The following DNAH8 variants were observed in gnomAD, a reference collection of about 807,000 sequenced individuals.
The protein encoded by DNAH8 is axonemal beta dynein heavy chain 8.
DNAH8 carries 382 observed loss-of-function variants against 562.1 expected under a neutral mutation model. That is an observed-to-expected ratio of 0.68 (90% CI 0.63 to 0.74). The LOEUF is 0.74. Among genes scored for constraint, DNAH8 ranks in the 30% least tolerant of loss-of-function variants. The pLI, the probability that DNAH8 is intolerant of heterozygous loss-of-function variation, is 0.00. For synonymous variants in DNAH8, 1,881 were observed against 1,919.4 expected, an observed-to-expected ratio of 0.98 and a Z score of 0.52; for missense variants, 5,203 against 5,620.4, an observed-to-expected ratio of 0.93 and a Z score of 2.37.
chr6:39,008,484 G>A (rs968204076), intron 88 of DNAH8, among the ~76,000 whole-genome samples: 7 of 152,150 alleles, frequency 4.6e-5, no homozygotes, highest in African/African-American at 9.7e-5. Context: ...GAAAGGAGGT[G>A]TGCCCGCTGT....
intron 21 of DNAH8, among the ~76,000 whole-genome samples, chr6:38,801,194 A>T (rs1276907099): frequency 6.6e-6 from 1 of 152,112 alleles, no homozygotes; most frequent in Admixed American, 6.5e-5. Flanking sequence ...CTGAAATTTT[A>T]CGTCTATAAT....
At chr6:39,030,035 C>T in intron 92 of DNAH8, 70 bp from the exon 93 acceptor site, 1 of 1,267,474 alleles carries the variant, frequency 7.9e-7, no homozygotes, top group South Asian at 1.4e-5. Flanking sequence ...AAACTGACAG[C>T]CTTTATGACT....
At position 38,761,683 on chromosome 6, in the gene DNAH8, G is replaced by T; in HGVS notation, c.1516-19G>T. 3 of 1,265,116 alleles carry T rather than the reference G, an allele frequency of 2.4e-6. No homozygotes were observed. Among genetic ancestry groups the T allele is most frequent in the East Asian group, 2.6e-5 (1 of 38,472 alleles). 78.4% of individuals were successfully genotyped at this position (1,265,116 alleles called of 1,614,324 possible). A position where few individuals can be genotyped will look rare whatever the true frequency, so the allele number is the denominator to read the frequency against. ...TTCTCTTTTTACATATAATTATTTT[G>T]TACCTATATTTATTTCAGGTAACAA... On this transcript the variant is annotated intron_variant, in intron 10 of 92. Transcript: ENST00000327475.
chr6:38,730,904 G>A (rs1262076003), intron 4 of DNAH8, among the ~76,000 whole-genome samples: 3 of 151,872 alleles, frequency 2.0e-5, no homozygotes, highest in Non-Finnish European at 2.9e-5. Flanking sequence ...TCTCCACTCA[G>A]CATCCCCTAC....
chr6:39,015,103 A>G lies in DNAH8; in HGVS notation c.13714+2466A>G, dbSNP rs117282213. On this transcript the variant is annotated intron_variant, in intron 91 of 92. Transcript: ENST00000327475. ...GAGAGACAGGGAGCACTGGAGAGGT[A>G]TGTTGGCAGACTTGGAGTTGGGAGA... Among the ~76,000 whole-genome samples the G allele has an allele frequency of 0.011, 1,682 of 152,210 alleles. 108 individuals carry two copies. In the East Asian group the frequency reaches 0.16, roughly 14 times the overall value.
intron 79 of DNAH8, among the ~76,000 whole-genome samples, chr6:38,940,839 C>T (rs534909854): frequency 2.6e-5 from 4 of 152,112 alleles, no homozygotes; most frequent in Non-Finnish European, 5.9e-5. Context: ...TAACCTAGGC[C>T]GGGCGCGGTG....
In DNAH8 at chr6:39,030,241, C is replaced by T. The variant is rs1186788424; in HGVS notation, c.13973C>T (p.Ala4658Val). Residue 4658 changes from alanine (A) to valine (V), a missense_variant, in exon 93 of 93, where the codon GCA becomes GTA. Ala to Val is a moderately conservative substitution (Grantham distance 64, BLOSUM62 0). Transcript: ENST00000327475. ...CACATCTTTGCCATTAACTCCACGG[C>T]ACCCAAGGACCCCAAGCTGTATGTG... ...VLHIFAINST[A>V]PKDPKLYVCP... 1.2e-6 allele frequency: 2 copies of T among 1,614,070 alleles called. No homozygotes were observed. The highest frequency in any genetic ancestry group is 1.7e-6 in the Non-Finnish European group (2 of 1,180,040).
intron 87 of DNAH8, among the ~76,000 whole-genome samples, chr6:38,984,765 TG>T (rs975457556): frequency 1.3e-5 from 2 of 152,100 alleles, no homozygotes; most frequent in Admixed American, 1.3e-4. Flanking sequence ...CACTCCAGCC[TG>T]GTGACAGAGT....
intron 56 of DNAH8, 88 bp from the exon 57 acceptor site, chr6:38,886,703 C>A: frequency 9.6e-7 from 1 of 1,047,100 alleles, no homozygotes; most frequent in Middle Eastern, 2.0e-4. Context: ...TTAATGTTTT[C>A]TTCTAATCTC....
chr6:38,829,391 T>C (rs972806895), intron 30 of DNAH8, among the ~76,000 whole-genome samples: 1 of 152,204 alleles, frequency 6.6e-6, no homozygotes, highest in Non-Finnish European at 1.5e-5. Flanking sequence ...TGGTATGTTA[T>C]CTGGGAAACC....
rs539994546 is a variant in DNAH8, at chr6:38,726,192, T to C, written c.525+2721T>C. ...ACCTGAAAATTGCTGGGCCACAGAT[T>C]TGGATAACACCACAACTGGAATCCC... is the stretch of plus-strand genomic sequence containing the variant. On this transcript the variant is annotated intron_variant, in intron 3 of 92. Transcript: ENST00000327475. Among the ~76,000 whole-genome samples, 12 of 152,264 alleles carry C rather than the reference T, an allele frequency of 7.9e-5. No individual in the cohort carries two copies. In the South Asian group the frequency reaches 2.5e-3, roughly 32 times the overall value.
At chr6:39,028,514 C>T (rs560846216) in intron 92 of DNAH8, among the ~76,000 whole-genome samples, 1 of 152,332 alleles carries the variant, frequency 6.6e-6, no homozygotes, top group East Asian at 1.9e-4. Context: ...GTCCTCTCCT[C>T]TTCTTATAAA....
At chr6:38,893,211 C>G (rs772491354) in intron 58 of DNAH8, among the ~76,000 whole-genome samples, 8 of 152,176 alleles carry the variant, frequency 5.3e-5, no homozygotes, top group Non-Finnish European at 1.2e-4. Flanking sequence ...TCTACATAAG[C>G]AGCCTTCTTT....
chr6:38,915,169 A>G (rs1056115234), intron 67 of DNAH8, 32 bp from the exon 68 acceptor site: 11 of 1,561,226 alleles, frequency 7.0e-6, no homozygotes, highest in East Asian at 4.7e-5. Context: ...AAAGGTTTCT[A>G]TTGGCTTTCA....
rs146884052 is a variant in DNAH8 at position 38,775,848 on chromosome 6, T to G, written c.1859T>G (p.Ile620Arg). The part of the protein sequence containing the change: ...IDIMAIKFRN[I>R]YQGVKKKQYD... Reference sequence around the variant, plus strand: ...ATTATGGCAATAAAATTCAGAAATATATACCAAGGGGTTAAGAAAAAGCAA... The same window carrying G: ...ATTATGGCAATAAAATTCAGAAATAGATACCAAGGGGTTAAGAAAAAGCAA... The change falls in exon 13 of 93, where the codon ATA (isoleucine) becomes AGA (arginine). Residue 620 changes from isoleucine (I) to arginine (R), a missense_variant. By Grantham distance (97) the Ile-to-Arg change is moderately conservative (BLOSUM62 -3). This residue lies in a region of DNAH8 where 2,176 missense variants were observed against 2,365.1 expected (regional missense o/e 0.92). Transcript: ENST00000327475. The G allele has an allele frequency of 9.3e-6, 15 of 1,607,778 alleles. No homozygotes were observed. Among genetic ancestry groups the G allele is most frequent in the Non-Finnish European group, 1.3e-5 (15 of 1,174,582 alleles).
chr6:39,001,727 C>G (rs1191023619), intron 88 of DNAH8, among the ~76,000 whole-genome samples: 2 of 152,140 alleles, frequency 1.3e-5, no homozygotes, highest in Non-Finnish European at 2.9e-5. Context: ...AGATTTTATC[C>G]TGAAGGTTAT....
chr6:38,983,136 A>T (rs1237324597), intron 86 of DNAH8, among the ~76,000 whole-genome samples: 1 of 152,216 alleles, frequency 6.6e-6, no homozygotes, highest in Non-Finnish European at 1.5e-5. Context: ...TTTTTCTATA[A>T]TCTTTGGCAA....
chr6:38,925,979 T>C, intron 73 of DNAH8, 76 bp from the exon 74 acceptor site: 1 of 1,277,352 alleles, frequency 7.8e-7, no homozygotes, highest in South Asian at 2.1e-5. Flanking sequence ...ATTATTTTAC[T>C]TTACAGTACT....
chr6:38,915,943 C>T (rs1337981527), intron 68 of DNAH8, among the ~76,000 whole-genome samples: 3 of 152,018 alleles, frequency 2.0e-5, no homozygotes, highest in East Asian at 1.9e-4. Context: ...TATACTTACA[C>T]ACTGCTAATA....
Sources: allele counts gnomAD v4.1 joint callset (sites outside exome capture counted in the v4.1 genomes callset), GRCh38; gene constraint gnomAD v4.1.1; regional missense constraint gnomAD v4.1.1; transcripts MANE v1.5; gene names NCBI Gene and HGNC (gene_info 2026-07-23, HGNC 2026-07-21).